MEIKIN: variants seen among roughly 807,000 people sequenced by gnomAD.
MEIKIN encodes the protein meiotic kinetochore factor.
intron 8 of MEIKIN, among the ~76,000 whole-genome samples, chr5:131,893,984 C>A (rs1471899921): frequency 6.6e-6 from 1 of 152,166 alleles, no homozygotes; most frequent in Non-Finnish European, 1.5e-5. Context: ...ATGTCTACGT[C>A]ACGAATGGTA....
At chr5:131,913,676 C>CTATGTGGG (rs1751364893) in intron 7 of MEIKIN, among the ~76,000 whole-genome samples, 1 of 152,182 alleles carries the variant, frequency 6.6e-6, no homozygotes, top group African/African-American at 2.4e-5. Context: ...TTGACTTCAC[C>CTATGTGGG]TTTTACAAAC....
At chr5:131,860,411 T>C (rs1158060085) in intron 9 of MEIKIN, among the ~76,000 whole-genome samples, 1 of 151,930 alleles carries the variant, frequency 6.6e-6, no homozygotes, top group Non-Finnish European at 1.5e-5. Context: ...TCCTGCGGCT[T>C]CACTGAATTT....
intron 5 of MEIKIN, among the ~76,000 whole-genome samples, chr5:131,925,335 A>C (rs1580909928): frequency 6.6e-6 from 1 of 152,212 alleles, no homozygotes; most frequent in Non-Finnish European, 1.5e-5. Context: ...AGATTTTGAT[A>C]GAGATTGCAT....
chr5:131,918,624 T>C (rs959789245), intron 6 of MEIKIN, among the ~76,000 whole-genome samples: 1 of 152,236 alleles, frequency 6.6e-6, no homozygotes, highest in Non-Finnish European at 1.5e-5. Flanking sequence ...TTCATTTTCC[T>C]TGCCTTCTAC....
At chr5:131,899,899 T>C (rs1751127072) in intron 8 of MEIKIN, among the ~76,000 whole-genome samples, 1 of 152,250 alleles carries the variant, frequency 6.6e-6, no homozygotes, top group South Asian at 2.1e-4. Context: ...CTTTCAGCAC[T>C]GGACAGATCT....
At chr5:131,897,544 T>G (rs1397856679) in intron 8 of MEIKIN, among the ~76,000 whole-genome samples, 1 of 152,216 alleles carries the variant, frequency 6.6e-6, no homozygotes, top group Non-Finnish European at 1.5e-5. Context: ...AGATTTGGTC[T>G]TTTCACATAG....
chr5:131,885,416 A>G (rs1211325957), intron 8 of MEIKIN, among the ~76,000 whole-genome samples: 10 of 96,290 alleles, frequency 1.0e-4, no homozygotes, highest in Non-Finnish European at 2.0e-4. Flanking sequence ...AGAGAGAGAG[A>G]GAGAGAGATT....
At chr5:131,825,768 A>C (rs572138963) in intron 11 of MEIKIN, among the ~76,000 whole-genome samples, 1 of 152,234 alleles carries the variant, frequency 6.6e-6, no homozygotes, top group Non-Finnish European at 1.5e-5. Flanking sequence ...GTTATCTCCC[A>C]GGAGCCTGGC....
At chr5:131,824,823 G>GAC (rs1749584049) in intron 11 of MEIKIN, among the ~76,000 whole-genome samples, 1 of 151,942 alleles carries the variant, frequency 6.6e-6, no homozygotes, top group South Asian at 2.1e-4. Flanking sequence ...ATTAATGAAA[G>GAC]ACATGAATCC....
intron 8 of MEIKIN, among the ~76,000 whole-genome samples, chr5:131,900,856 T>C (rs910610612): frequency 6.6e-6 from 1 of 152,108 alleles, no homozygotes; most frequent in East Asian, 1.9e-4. Flanking sequence ...GCAGACACTG[T>C]GGATGTACGC....
At chr5:131,872,326 A>G (rs1350856939) in intron 9 of MEIKIN, among the ~76,000 whole-genome samples, 1 of 152,236 alleles carries the variant, frequency 6.6e-6, no homozygotes. Flanking sequence ...GCTGAAAACC[A>G]CGGCACGAGA....
intron 12 of MEIKIN, among the ~76,000 whole-genome samples, chr5:131,816,703 G>A (rs1007736596): frequency 2.0e-5 from 3 of 152,122 alleles, no homozygotes; most frequent in African/African-American, 7.2e-5. Context: ...GTAGGATCCT[G>A]ACAAATACAG....
At chr5:131,871,666 G>A (rs543012168) in intron 9 of MEIKIN, among the ~76,000 whole-genome samples, 416 of 152,282 alleles carry the variant, frequency 2.7e-3, no homozygotes, top group African/African-American at 6.1e-3. Flanking sequence ...CTCCCAGCAC[G>A]CAGCTTGAGA....
chr5:131,836,130 A>C (rs1358057077), intron 11 of MEIKIN, among the ~76,000 whole-genome samples: 1 of 152,120 alleles, frequency 6.6e-6, no homozygotes, highest in Non-Finnish European at 1.5e-5. Flanking sequence ...CTCATTTATA[A>C]GTGAGAATAT....
chr5:131,919,829 A>G (rs1751475334), intron 6 of MEIKIN, among the ~76,000 whole-genome samples: 1 of 152,178 alleles, frequency 6.6e-6, no homozygotes, highest in South Asian at 2.1e-4. Context: ...AGAAAGTGAC[A>G]ATTTTCTGAG....
chr5:131,837,912 G>C (rs1365399325), intron 11 of MEIKIN, among the ~76,000 whole-genome samples: 2 of 152,150 alleles, frequency 1.3e-5, no homozygotes, highest in African/African-American at 4.8e-5. Context: ...GGAATGGTGA[G>C]AGAGGGCATT....
At chr5:131,895,483 C>T (rs559377999) in intron 8 of MEIKIN, among the ~76,000 whole-genome samples, 16 of 152,102 alleles carry the variant, frequency 1.1e-4, no homozygotes, top group Non-Finnish European at 1.9e-4. Flanking sequence ...CTCTTTGTAC[C>T]TCTGGTAGAA....
At chr5:131,835,593 G>C (rs533308282) in intron 11 of MEIKIN, among the ~76,000 whole-genome samples, 3 of 151,972 alleles carry the variant, frequency 2.0e-5, no homozygotes, top group Non-Finnish European at 4.4e-5. Flanking sequence ...GTATATATCT[G>C]TCTTTTTTTT....
intron 8 of MEIKIN, among the ~76,000 whole-genome samples, chr5:131,885,100 G>A (rs1319729477): frequency 1.3e-5 from 2 of 152,148 alleles, no homozygotes; most frequent in Admixed American, 1.3e-4. Context: ...GGGTCTGGGG[G>A]AACTTGCCAC....
Sources: gnomAD v4.1 joint callset for allele counts (sites outside exome capture counted in the v4.1 genomes callset) on GRCh38, gnomAD v4.1.1 for gene constraint, MANE v1.5 for transcripts, NCBI Gene and HGNC (gene_info 2026-07-23, HGNC 2026-07-21) for gene names.